MYO1C: variants seen among roughly 807,000 people sequenced by gnomAD.
MYO1C encodes myosin IC.
A neutral mutation model predicts 150.8 loss-of-function variants in MYO1C; 104 were observed. That is an observed-to-expected ratio of 0.69 (90% confidence interval 0.59 to 0.81). The LOEUF is 0.81. Ranked by LOEUF, MYO1C falls within the 30% of genes least tolerant of loss-of-function variation. The probability of loss-of-function intolerance (pLI) is 0.00; values close to 1 mark genes in which losing one functional copy is unlikely to be tolerated. For missense variants in MYO1C, 1,504 were observed against 1,435.0 expected, an observed-to-expected ratio of 1.05 and a Z score of -0.78; for synonymous variants, 663 against 579.9, an observed-to-expected ratio of 1.14 and a Z score of -2.06.
In MYO1C at chr17:1,470,309, G is replaced by A. The variant is rs764431458; in HGVS notation, c.2392C>T (p.His798Tyr). 12 of 1,565,064 alleles carry A rather than the reference G, an allele frequency of 7.7e-6. No individual in the cohort carries two copies. The South Asian group carries it at 1.4e-4, about 18-fold the overall frequency. Residue 798 changes from histidine to tyrosine, a missense_variant, in exon 24 of 32, where the codon CAC (histidine) becomes TAC (tyrosine). Physicochemically the swap from His to Tyr is moderately conservative, Grantham distance 83 (BLOSUM62 2). Coordinates refer to ENST00000648651, the MANE Select transcript of MYO1C (RefSeq NM_001080779.2). The part of the protein sequence containing the change: ...RRLIRGFVLR[H>Y]APRCPENAFF... ...GCGTTCTCGGGGCAGCGGGGGGCGTGGCGCAGGACGAAGCCTCGGATGAGC... is the reference window on the plus strand; with the variant it reads ...GCGTTCTCGGGGCAGCGGGGGGCGTAGCGCAGGACGAAGCCTCGGATGAGC...
intron 1 of MYO1C, among the ~76,000 whole-genome samples, chr17:1,487,814 G>C (rs1423399920): frequency 6.6e-6 from 1 of 152,212 alleles, no homozygotes; most frequent in Non-Finnish European, 1.5e-5. Context: ...CCAGCTGCTC[G>C]GGAGGCTGAG....
intron 1 of MYO1C, chr17:1,485,798 G>A (rs2074643526): frequency 2.4e-6 from 2 of 824,308 alleles, no homozygotes; most frequent in Non-Finnish European, 3.0e-6. Context: ...AGCGAGGGAG[G>A]GCCCGCCCCC....
At position 1,480,552 on chromosome 17, in the gene MYO1C, A is replaced by C. The variant is rs780977966; in HGVS notation, c.881T>G (p.Ile294Ser). The C allele has an allele frequency of 4.3e-6, 7 of 1,614,046 alleles. No individual in the cohort carries two copies. Among genetic ancestry groups the C allele is most frequent in the Non-Finnish European group, 5.9e-6 (7 of 1,180,020 alleles). Reference protein sequence around the residue: ...WKVVRKALTVIDFTEDEVEDL... With the variant: ...WKVVRKALTVSDFTEDEVEDL... ...CTCCACTTCATCCTCGGTGAAATCA[A>C]TGACTGTCAGAGCCTTCCTGACGAC... The change falls in exon 7 of 32, where the codon ATT (isoleucine) becomes AGT (serine). Residue 294 changes from isoleucine (I) to serine (S), a missense_variant. Transcript: ENST00000648651.
Position 1,468,771 on chromosome 17 carries a change from G to A in MYO1C, c.2611-275C>T, listed in dbSNP as rs780624595. On this transcript the variant is annotated intron_variant, in intron 25 of 31. Transcript: ENST00000648651. The stretch of plus-strand genomic sequence containing the variant: ...TGCTTCCCCACCCCATCAGGCCCTG[G>A]TGGCCCTGAGACTCAGCTCCAGCTT... 97 of 535,072 alleles carry A rather than the reference G, an allele frequency of 1.8e-4. No individual in the cohort carries two copies. The Middle Eastern group carries it at 2.6e-3, about 14-fold the overall frequency. 33.1% of individuals were successfully genotyped at this position (535,072 alleles called of 1,614,324 possible). A position where few individuals can be genotyped will look rare whatever the true frequency, so the allele number is the denominator to read the frequency against.
At chr17:1,483,966 C>T (rs1368695183) in intron 2 of MYO1C, among the ~76,000 whole-genome samples, 182 bp downstream of exon 2, 11 of 151,548 alleles carry the variant, frequency 7.3e-5, no homozygotes, top group African/African-American at 1.2e-4. Context: ...CGCTTGAACC[C>T]GGGGGGAGGA....
intron 5 of MYO1C, 163 bp from the exon 6 acceptor site, chr17:1,481,048 TCA>T (rs1160656453): frequency 4.5e-6 from 3 of 660,664 alleles, no homozygotes; most frequent in African/African-American, 1.8e-5. Context: ...CACGCTGGAC[TCA>T]GTTACTTCAT....
intron 17 of MYO1C, 146 bp from the exon 18 acceptor site, chr17:1,472,374 C>T (rs1301409077): frequency 5.7e-6 from 4 of 698,406 alleles, no homozygotes; most frequent in African/African-American, 3.5e-5. Context: ...ACAGCTTCCT[C>T]GCAGCAGAGG....
chr17:1,472,244 G>C lies in MYO1C; in HGVS notation c.1798-16C>G, dbSNP rs1385018457. The C allele has an allele frequency of 4.3e-6, 7 of 1,612,228 alleles. No homozygotes were observed. The highest frequency in any genetic ancestry group is 2.2e-5 in the East Asian group (1 of 44,864). ...GGGTGGCGACCTGGCGAGCCAAGAGGCATGGGAGGTTGGCCGGAGCTGGGC... is the reference window on the plus strand; with the variant it reads ...GGGTGGCGACCTGGCGAGCCAAGAGCCATGGGAGGTTGGCCGGAGCTGGGC... On this transcript the variant is annotated splice_polypyrimidine_tract_variant and intron_variant, in intron 17 of 31. Coordinates refer to ENST00000648651, the MANE Select transcript of MYO1C (RefSeq NM_001080779.2).
In MYO1C at chr17:1,468,511, G is replaced by C. The variant is rs1339946039; in HGVS notation, c.2611-15C>G. 6 of 1,606,758 alleles carry C rather than the reference G, an allele frequency of 3.7e-6. No homozygotes were observed. Among genetic ancestry groups the C allele is most frequent in the Middle Eastern group, 1.7e-4 (1 of 6,048 alleles). ...TTCTGCTGCAGCTGAGGAGACAAGG[G>C]GGGTGAGGAGAGTGTCATGGTGGGG... On this transcript the variant is annotated splice_polypyrimidine_tract_variant and intron_variant, in intron 25 of 31. Transcript: ENST00000648651.
At chr17:1,485,839 C>CGG (rs1359407341) in intron 1 of MYO1C, 3 of 405,766 alleles carry the variant, frequency 7.4e-6, no homozygotes, top group African/African-American at 6.4e-5. Context: ...CCCTGAAGCG[C>CGG]GGGGCTTCCC....
chr17:1,470,408 GC>G lies in MYO1C; in HGVS notation c.2366+26del, dbSNP rs747624176. 3.2e-6 allele frequency: 5 copies of G among 1,549,588 alleles called. No homozygotes were observed. The South Asian group carries it at 5.9e-5, about 18-fold the overall frequency. ...ACCACCCCCCACGCCCTGCTCTGCAGCCCCCACAAGGCACCCTGGCGCTCAC... is the reference window on the plus strand; with the variant it reads ...ACCACCCCCCACGCCCTGCTCTGCAGCCCCACAAGGCACCCTGGCGCTCAC... On this transcript the variant is annotated intron_variant, in intron 23 of 31. Coordinates refer to ENST00000648651, the MANE Select transcript of MYO1C (RefSeq NM_001080779.2).
intron 14 of MYO1C, among the ~76,000 whole-genome samples, chr17:1,476,865 G>C (rs994726340): frequency 4.0e-5 from 6 of 151,748 alleles, no homozygotes; most frequent in African/African-American, 1.5e-4. Flanking sequence ...TGGGGTTGAA[G>C]TCTCACTCTG....
intron 1 of MYO1C, chr17:1,491,790 G>T: frequency 2.5e-6 from 1 of 399,746 alleles, no homozygotes; most frequent in Non-Finnish European, 3.4e-6. Flanking sequence ...CGTCCGCGAA[G>T]CCTCGGTGCG....
At chr17:1,481,169 T>C (rs2074512725) in intron 5 of MYO1C, 2 of 463,288 alleles carry the variant, frequency 4.3e-6, no homozygotes, top group South Asian at 2.3e-5. Flanking sequence ...CTTCTCCCTC[T>C]TCAAACAAGC....
At position 1,477,610 on chromosome 17, in the gene MYO1C, C is replaced by T. The variant is rs2074426093; in HGVS notation, c.1483-14G>A. The T allele has an allele frequency of 1.9e-6, 3 of 1,607,370 alleles. No homozygotes were observed. In the Admixed American group the frequency reaches 5.0e-5, roughly 27 times the overall value. On this transcript the variant is annotated splice_polypyrimidine_tract_variant and intron_variant, in intron 13 of 31. Transcript: ENST00000648651. ...ACACTCCTCATCCTGGGGGGTGTGG[C>T]ACAGGGGGAAGGACGTATGGGGGAC...
intron 14 of MYO1C, among the ~76,000 whole-genome samples, chr17:1,476,878 G>A (rs907789737): frequency 2.6e-5 from 4 of 151,480 alleles, no homozygotes; most frequent in African/African-American, 9.7e-5. Context: ...TCACTCTGTC[G>A]CTCAGGCTGG....
intron 14 of MYO1C, among the ~76,000 whole-genome samples, chr17:1,475,750 A>C (rs1039327798): frequency 2.0e-5 from 3 of 152,186 alleles, no homozygotes; most frequent in Admixed American, 6.5e-5. Flanking sequence ...ACACGGACAA[A>C]GATTGAAGGC....
rs753294065 is a variant in MYO1C, at chr17:1,477,564, T to C, written c.1515A>G (p.Thr505=). The change falls in exon 14 of 32, where the codon ACA becomes ACG. Residue 505 remains threonine (T), a synonymous_variant. Coordinates refer to ENST00000648651, the MANE Select transcript of MYO1C (RefSeq NM_001080779.2). ...DEECLRPGEA[T]DLTFLEKLED... is the part of the protein sequence containing the mutation. ...CCAGCTTCTCCAGGAAGGTCAGGTC[T>C]GTGGCCTCCCCGGGGCGCAGACACT... The C allele has an allele frequency of 6.2e-7, 1 of 1,613,590 alleles. No individual in the cohort carries two copies. Among genetic ancestry groups the C allele is most frequent in the Non-Finnish European group, 8.5e-7 (1 of 1,180,010 alleles).
chr17:1,492,322 C>G, intron 1 of MYO1C, 91 bp downstream of exon 1: 2 of 1,324,362 alleles, frequency 1.5e-6, no homozygotes, highest in East Asian at 2.5e-5. Context: ...CCCCGCTGCT[C>G]AGCTCTTGCC....
Sources: gnomAD v4.1 joint callset for allele counts (sites outside exome capture counted in the v4.1 genomes callset) on GRCh38, gnomAD v4.1.1 for gene constraint, MANE v1.5 for transcripts, NCBI Gene and HGNC (gene_info 2026-07-23, HGNC 2026-07-21) for gene names.